GRIK2: variants seen among roughly 807,000 people sequenced by gnomAD.
The protein encoded by GRIK2 is glutamate receptor ionotropic, kainate 2.
In GRIK2, 32 loss-of-function variants were observed where a neutral mutation model predicts 100.3. That is an observed-to-expected ratio of 0.32 (90% CI 0.24 to 0.43). GRIK2 has a LOEUF of 0.43. Ranked by LOEUF, GRIK2 falls within the 20% of genes least tolerant of loss-of-function variation. The probability of loss-of-function intolerance (pLI) is 1.00; values close to 1 mark genes in which losing one functional copy is unlikely to be tolerated. For missense variants in GRIK2, 843 were observed against 1,114.9 expected, an observed-to-expected ratio of 0.76 and a Z score of 3.47; for synonymous variants, 417 against 389.4, an observed-to-expected ratio of 1.07 and a Z score of -0.83.
chr6:102,034,772 G>C (rs1269108294), intron 14 of GRIK2, among the ~76,000 whole-genome samples: 1 of 151,286 alleles, frequency 6.6e-6, no homozygotes, highest in African/African-American at 2.4e-5. Flanking sequence ...TGGAAATGTA[G>C]ACATCTTTAT....
chr6:101,514,872 G>C (rs1774503750), intron 2 of GRIK2, among the ~76,000 whole-genome samples: 1 of 152,120 alleles, frequency 6.6e-6, no homozygotes, highest in African/African-American at 2.4e-5. Context: ...GTTCCTGAAA[G>C]AGGGTAGAAC....
intron 2 of GRIK2, among the ~76,000 whole-genome samples, chr6:101,441,706 G>T (rs1203112858): frequency 1.3e-5 from 2 of 152,028 alleles, no homozygotes; most frequent in Non-Finnish European, 2.9e-5. Flanking sequence ...CATGTATGGG[G>T]TTTGGTGTAC....
intron 7 of GRIK2, among the ~76,000 whole-genome samples, chr6:101,730,650 T>G (rs1314693237): frequency 6.6e-6 from 1 of 151,692 alleles, no homozygotes; most frequent in African/African-American, 2.4e-5. Flanking sequence ...CCTTTTTTGT[T>G]TTTTTTTGTC....
intron 7 of GRIK2, among the ~76,000 whole-genome samples, chr6:101,796,313 ATAT>A (rs1415946468): frequency 6.6e-5 from 10 of 152,192 alleles, no homozygotes; most frequent in Non-Finnish European, 1.3e-4. Context: ...TTGGCTATTA[ATAT>A]TATTAATAGA....
intron 2 of GRIK2, among the ~76,000 whole-genome samples, chr6:101,527,822 TTTTC>T (rs1339571696): frequency 6.6e-6 from 1 of 152,190 alleles, no homozygotes; most frequent in Non-Finnish European, 1.5e-5. Flanking sequence ...TATCCACTCT[TTTTC>T]TCTAAGAAAA....
intron 14 of GRIK2, among the ~76,000 whole-genome samples, chr6:101,964,917 A>G (rs1296275852): frequency 6.6e-6 from 1 of 152,178 alleles, no homozygotes; most frequent in Non-Finnish European, 1.5e-5. Flanking sequence ...AGCAGGATAC[A>G]TAAGGGCATA....
At chr6:101,621,792 C>A (rs1780174257) in intron 2 of GRIK2, among the ~76,000 whole-genome samples, 157 bp from the exon 3 acceptor site, 1 of 151,938 alleles carries the variant, frequency 6.6e-6, no homozygotes, top group South Asian at 2.1e-4. Context: ...GTACTTAAAT[C>A]TCTCCCTCTC....
At position 102,031,362 on chromosome 6, in the gene GRIK2, CTATT is replaced by C. The variant is rs75628205; in HGVS notation, c.2086-3975_2086-3972del. Among the ~76,000 whole-genome samples, 10 of 151,370 alleles carry C rather than the reference CTATT, an allele frequency of 6.6e-5. No homozygotes were observed. In the East Asian group the frequency reaches 1.6e-3, roughly 24 times the overall value. On this transcript the variant is annotated intron_variant, in intron 14 of 16. Transcript: ENST00000369134. The stretch of plus-strand genomic sequence containing the variant: ...GGCATATTTTGTTCTTGCATGTTAA[CTATT>C]TATGAAACCTGGACCCTGGTCAGTG...
chr6:101,535,800 G>A (rs180725978), intron 2 of GRIK2, among the ~76,000 whole-genome samples: 6 of 151,376 alleles, frequency 4.0e-5, no homozygotes, highest in Admixed American at 1.3e-4. Context: ...AGAACATCTC[G>A]TTGCTGCAAA....
At chr6:102,058,626 A>G (rs1771590686) in intron 16 of GRIK2, among the ~76,000 whole-genome samples, 1 of 151,540 alleles carries the variant, frequency 6.6e-6, no homozygotes, top group Non-Finnish European at 1.5e-5. Context: ...TTAATTTATT[A>G]AAATTAGCCA....
chr6:101,807,344 ACT>A (rs988501381), intron 9 of GRIK2, among the ~76,000 whole-genome samples: 12 of 151,266 alleles, frequency 7.9e-5, no homozygotes, highest in African/African-American at 2.9e-4. Context: ...ACAATTAAAA[ACT>A]CTCTGACCTT....
In GRIK2 at chr6:101,531,808, T is replaced by C. The variant is rs79508195; in HGVS notation, c.116-90141T>C. On this transcript the variant is annotated intron_variant, in intron 2 of 16. Coordinates refer to ENST00000369134, the MANE Select transcript of GRIK2 (RefSeq NM_021956.5). ...TGTTGAGCTATCCTCGTGTCCTAAA[T>C]CTGATCCTTGTTCTATCAGATTTAC... is the stretch of plus-strand genomic sequence containing the variant. Among the ~76,000 whole-genome samples the C allele has an allele frequency of 6.0e-3, 912 of 151,978 alleles. 7 individuals carry two copies. The highest frequency in any genetic ancestry group is 0.021 in the African/African-American group (874 of 41,488).
chr6:101,628,662 T>C (rs1425385343), intron 4 of GRIK2, among the ~76,000 whole-genome samples: 1 of 152,096 alleles, frequency 6.6e-6, no homozygotes, highest in African/African-American at 2.4e-5. Context: ...TATATAAATA[T>C]AGATACATGT....
At chr6:101,434,850 T>C (rs920159692) in intron 2 of GRIK2, among the ~76,000 whole-genome samples, 1 of 152,048 alleles carries the variant, frequency 6.6e-6, no homozygotes, top group East Asian at 1.9e-4. Context: ...AAGGGAAACA[T>C]AAACCAAAGG....
intron 4 of GRIK2, among the ~76,000 whole-genome samples, chr6:101,672,411 T>A (rs970686874): frequency 6.6e-6 from 1 of 152,122 alleles, no homozygotes; most frequent in Non-Finnish European, 1.5e-5. Context: ...CAGACTCTGA[T>A]CTCTTCCTCA....
intron 2 of GRIK2, among the ~76,000 whole-genome samples, chr6:101,455,612 G>A (rs781755887): frequency 5.8e-4 from 88 of 151,912 alleles, no homozygotes; most frequent in Non-Finnish European, 1.1e-3. Flanking sequence ...TGACTATTTC[G>A]GGGAGTCCTT....
intron 2 of GRIK2, among the ~76,000 whole-genome samples, chr6:101,613,895 A>G (rs1381416336): frequency 6.6e-6 from 1 of 151,810 alleles, no homozygotes; most frequent in Non-Finnish European, 1.5e-5. Context: ...CTGGAAGATA[A>G]TCATGTTTAA....
chr6:102,007,127 C>T (rs1426588143), intron 14 of GRIK2, among the ~76,000 whole-genome samples: 1 of 151,982 alleles, frequency 6.6e-6, no homozygotes, highest in Non-Finnish European at 1.5e-5. Context: ...CAGTAATATA[C>T]CAAATTGAAT....
At chr6:101,602,255 T>G (rs1462109237) in intron 2 of GRIK2, among the ~76,000 whole-genome samples, 3 of 151,546 alleles carry the variant, frequency 2.0e-5, no homozygotes, top group Non-Finnish European at 4.4e-5. Flanking sequence ...CTTTTTGGTG[T>G]TGATTTTGAT....
Sources: gnomAD v4.1 joint callset for allele counts (sites outside exome capture counted in the v4.1 genomes callset) on GRCh38, gnomAD v4.1.1 for gene constraint, MANE v1.5 for transcripts, NCBI Gene and HGNC (gene_info 2026-07-23, HGNC 2026-07-21) for gene names.